ARPP21: variants seen among roughly 807,000 people sequenced by gnomAD.
ARPP21 encodes the protein cAMP-regulated phosphoprotein 21.
In ARPP21, 69 loss-of-function variants were observed where a neutral mutation model predicts 113.2. The ratio of observed to expected loss-of-function variants is 0.61; its 90% CI spans 0.50 to 0.74. ARPP21 has a LOEUF of 0.74. Among genes scored for constraint, ARPP21 ranks in the 30% least tolerant of loss-of-function variants. The pLI, the probability that ARPP21 is intolerant of heterozygous loss-of-function variation, is 0.00. For missense variants in ARPP21, 1,070 were observed against 1,037.4 expected (o/e 1.03, Z -0.43); for synonymous variants, 368 against 375.5 (o/e 0.98, Z 0.23).
chr3:35,704,740 G>A lies in ARPP21; in HGVS notation c.687-2234G>A, dbSNP rs143956381. On this transcript the variant is annotated intron_variant, in intron 9 of 20. Transcript: ENST00000684406. ...ATTATAGTGATTTATGAATAGCCGC[G>A]CTAAATGTTCATTTGCTTATACATT... 3.2e-4 allele frequency among the ~76,000 whole-genome samples: 49 copies of A among 151,860 alleles called. No homozygotes were observed. The East Asian group carries it at 3.9e-3, about 12-fold the overall frequency.
intron 19 of ARPP21, among the ~76,000 whole-genome samples, chr3:35,754,834 GTAT>G (rs2095520089): frequency 1.3e-5 from 2 of 151,828 alleles, no homozygotes; most frequent in South Asian, 4.1e-4. Context: ...AGAACTACTG[GTAT>G]TATTAGAATT....
At chr3:35,698,073 G>A (rs1432481598) in intron 9 of ARPP21, among the ~76,000 whole-genome samples, 4 of 151,590 alleles carry the variant, frequency 2.6e-5, no homozygotes, top group Non-Finnish European at 5.9e-5. Flanking sequence ...AGTTGCCAAA[G>A]ATCAGAAACC....
intron 9 of ARPP21, among the ~76,000 whole-genome samples, chr3:35,699,429 T>C (rs1010922105): frequency 1.3e-5 from 2 of 151,714 alleles, no homozygotes; most frequent in African/African-American, 4.8e-5. Flanking sequence ...TCTGGTTGTG[T>C]ATAATGAATA....
At chr3:35,780,327 A>C (rs181467256) in intron 19 of ARPP21, among the ~76,000 whole-genome samples, 13 of 152,304 alleles carry the variant, frequency 8.5e-5, no homozygotes, top group Non-Finnish European at 1.0e-4. Context: ...GGAGCTAAAT[A>C]AGTAATAAAA....
At chr3:35,650,481 A>G (rs1701958565) in intron 1 of ARPP21, 1 of 152,166 alleles carries the variant, frequency 6.6e-6, no homozygotes, top group Non-Finnish European at 1.5e-5. Flanking sequence ...TAGGTAGACA[A>G]TATCTTGGAT....
At chr3:35,700,340 T>C (rs1576008320) in intron 9 of ARPP21, among the ~76,000 whole-genome samples, 1 of 151,764 alleles carries the variant, frequency 6.6e-6, no homozygotes, top group East Asian at 1.9e-4. Context: ...TTGAAACTAT[T>C]GCTATTTCAA....
intron 5 of ARPP21, among the ~76,000 whole-genome samples, chr3:35,686,125 C>G (rs1489106688): frequency 1.3e-5 from 2 of 151,574 alleles, no homozygotes; most frequent in African/African-American, 4.8e-5. Context: ...AATGAGATGA[C>G]CTTCGTGGCC....
intron 1 of ARPP21, among the ~76,000 whole-genome samples, chr3:35,656,008 G>T (rs1016606190): frequency 6.6e-6 from 1 of 151,900 alleles, no homozygotes; most frequent in Non-Finnish European, 1.5e-5. Flanking sequence ...GCATGATTGA[G>T]ATTTTATAAT....
At chr3:35,658,801 G>A (rs1706245250) in intron 1 of ARPP21, among the ~76,000 whole-genome samples, 1 of 152,050 alleles carries the variant, frequency 6.6e-6, no homozygotes, top group African/African-American at 2.4e-5. Flanking sequence ...CCTGTGCTGT[G>A]CTGAATTTCA....
upstream of ARPP21, among the ~76,000 whole-genome samples, chr3:35,639,402 C>T (rs1457822551): frequency 6.6e-6 from 1 of 151,956 alleles, no homozygotes; most frequent in Non-Finnish European, 1.5e-5. The surrounding 1 kb of genome is among the most constrained non-coding windows in gnomAD (Gnocchi z 5.0). Flanking sequence ...GAGCCACGTG[C>T]AACACGCGCG....
At chr3:35,789,659 C>T (rs1466584257) in intron 19 of ARPP21, among the ~76,000 whole-genome samples, 1 of 152,142 alleles carries the variant, frequency 6.6e-6, no homozygotes, top group Non-Finnish European at 1.5e-5. Flanking sequence ...GCAGAGGAGG[C>T]CTGGAGAAGG....
At chr3:35,758,679 G>A (rs961699694) in intron 19 of ARPP21, among the ~76,000 whole-genome samples, 2 of 151,974 alleles carry the variant, frequency 1.3e-5, no homozygotes, top group African/African-American at 4.8e-5. Context: ...CTTTTGACAA[G>A]AATTCAAGCT....
chr3:35,684,976 A>G, intron 5 of ARPP21: 1 of 983,796 alleles, frequency 1.0e-6, no homozygotes, highest in East Asian at 1.1e-4. Context: ...ATGGAGATTG[A>G]AAAGGGAGAA....
At chr3:35,666,292 A>T (rs9870519) in intron 1 of ARPP21, among the ~76,000 whole-genome samples, 3 of 152,032 alleles carry the variant, frequency 2.0e-5, no homozygotes, top group African/African-American at 7.3e-5. Context: ...GAGGGAAGCA[A>T]GCTTAGAACA....
intron 9 of ARPP21, among the ~76,000 whole-genome samples, chr3:35,699,952 A>G (rs2085672709): frequency 6.6e-6 from 1 of 151,846 alleles, no homozygotes; most frequent in Admixed American, 6.6e-5. Flanking sequence ...GTATTACAAT[A>G]CAGATTATAT....
chr3:35,767,148 A>G (rs1177510933), intron 19 of ARPP21, among the ~76,000 whole-genome samples: 1 of 152,182 alleles, frequency 6.6e-6, no homozygotes, highest in Non-Finnish European at 1.5e-5. Flanking sequence ...ACCTCTACTG[A>G]TAACTCTACA....
chr3:35,756,311 C>A (rs1438804731), intron 19 of ARPP21, among the ~76,000 whole-genome samples: 1 of 152,078 alleles, frequency 6.6e-6, no homozygotes, highest in African/African-American at 2.4e-5. Flanking sequence ...CTGTTTAGAG[C>A]TTATGCGAGT....
At chr3:35,665,295 T>C (rs1442750687) in intron 1 of ARPP21, among the ~76,000 whole-genome samples, 5 of 152,074 alleles carry the variant, frequency 3.3e-5, no homozygotes, top group Non-Finnish European at 5.9e-5. Flanking sequence ...AGCTTTTTTT[T>C]TTAATATGAT....
intron 1 of ARPP21, among the ~76,000 whole-genome samples, chr3:35,654,807 T>C (rs1357220041): frequency 6.6e-6 from 1 of 152,060 alleles, no homozygotes; most frequent in African/African-American, 2.4e-5. Flanking sequence ...AAGTTAAGCA[T>C]AGTAGGTATA....
Sources: gnomAD v4.1 joint callset for allele counts (sites outside exome capture counted in the v4.1 genomes callset) on GRCh38, gnomAD v4.1.1 for gene constraint, Gnocchi (gnomAD v3.1) non-coding constraint, MANE v1.5 for transcripts, NCBI Gene and HGNC (gene_info 2026-07-23, HGNC 2026-07-21) for gene names.